Variants in KCNJ13 observed in about 807,000 individuals in gnomAD.
The protein encoded by KCNJ13 is inward rectifier potassium channel 13.
KCNJ13 carries 9 observed loss-of-function variants against 24.6 expected under a neutral mutation model. The observed-to-expected ratio is 0.37, with a 90% CI of 0.22 to 0.64. The LOEUF (loss-of-function observed/expected upper bound fraction) is 0.64. KCNJ13 is among the 30% of genes least tolerant of loss of function. KCNJ13 has a pLI of 0.64. For synonymous variants in KCNJ13, 148 were observed against 154.7 expected, an observed-to-expected ratio of 0.96 and a Z score of 0.32; for missense variants, 337 against 443.8, an observed-to-expected ratio of 0.76 and a Z score of 2.16.
rs551984252 is a variant in KCNJ13, at chr2:232,766,179, C to G, written c.*2012G>C. 1.3e-5 allele frequency among the ~76,000 whole-genome samples: 2 copies of G among 152,168 alleles called. No individual in the cohort carries two copies. Among genetic ancestry groups the G allele is most frequent in the Admixed American group, 6.5e-5 (1 of 15,280 alleles). ...CCTCCCAGAAACTTTCTATCTCCTG[C>G]AAAAAAGTTTTGGATCACGTTTCTT... is the stretch of plus-strand genomic sequence containing the variant. On this transcript the variant is annotated 3_prime_UTR_variant, in exon 3 of 3. Coordinates refer to ENST00000233826, the MANE Select transcript of KCNJ13 (RefSeq NM_002242.4).
chr2:232,771,103 A>G lies in KCNJ13; in HGVS notation c.260T>C (p.Leu87Pro). Residue 87 changes from leucine to proline, a missense_variant, in exon 2 of 3, where the codon CTA becomes CCA. Transcript: ENST00000233826. Reference sequence around the variant, plus strand: ...GTTTTCAGGTGGGGCATCATGATCTAGTTCCAGATCACCATTCATCTCAGC... The same window carrying G: ...GTTTTCAGGTGGGGCATCATGATCTGGTTCCAGATCACCATTCATCTCAGC... ...VLAEMNGDLELDHDAPPENHT... is the reference protein window; with the variant it reads ...VLAEMNGDLEPDHDAPPENHT... 1 of 1,614,062 alleles carries G rather than the reference A, an allele frequency of 6.2e-7. No homozygotes were observed. The highest frequency in any genetic ancestry group is 8.5e-7 in the Non-Finnish European group (1 of 1,179,942).
At chr2:232,772,320 T>C (rs1699300149) in intron 1 of KCNJ13, among the ~76,000 whole-genome samples, 1 of 152,188 alleles carries the variant, frequency 6.6e-6, no homozygotes, top group South Asian at 2.1e-4. Context: ...TTGCATATTC[T>C]AGGCTCTGAT....
chr2:232,772,564 G>T (rs1039328555), intron 1 of KCNJ13, among the ~76,000 whole-genome samples: 2 of 152,212 alleles, frequency 1.3e-5, no homozygotes, highest in Non-Finnish European at 1.5e-5. Flanking sequence ...TCTCAAGGTG[G>T]TGAGTAGAAA....
rs562100861 is a variant in KCNJ13 at position 232,775,682 on chromosome 2, C to A, written c.-17+763G>T. On this transcript the variant is annotated intron_variant, in intron 1 of 2. Coordinates refer to ENST00000233826, the MANE Select transcript of KCNJ13 (RefSeq NM_002242.4). ...GGCAGCTTCACTGATCATCAGAATT[C>A]ATTCTACTCATTGGGTTGTAGCACT... is the stretch of plus-strand genomic sequence containing the variant. Among the ~76,000 whole-genome samples the A allele has an allele frequency of 4.9e-4, 74 of 152,284 alleles. No homozygotes were observed. In the South Asian group the frequency reaches 6.8e-3, roughly 14 times the overall value.
intron 1 of KCNJ13, among the ~76,000 whole-genome samples, chr2:232,773,687 A>T (rs1031170488): frequency 6.6e-6 from 1 of 152,090 alleles, no homozygotes; most frequent in African/African-American, 2.4e-5. Flanking sequence ...TAGCTAATAT[A>T]TATATTGTTT....
At chr2:232,774,461 T>A (rs911195495) in intron 1 of KCNJ13, among the ~76,000 whole-genome samples, 1 of 152,144 alleles carries the variant, frequency 6.6e-6, no homozygotes, top group Non-Finnish European at 1.5e-5. Flanking sequence ...ATTAAAGCAA[T>A]GTAGAGAGGA....
At chr2:232,774,695 C>G (rs1209921830) in intron 1 of KCNJ13, among the ~76,000 whole-genome samples, 1 of 152,164 alleles carries the variant, frequency 6.6e-6, no homozygotes, top group East Asian at 1.9e-4. Context: ...TGAAAATGCC[C>G]CTCATGCTCC....
chr2:232,771,170 C>A lies in KCNJ13; in HGVS notation c.193G>T (p.Val65Phe), dbSNP rs753616368. The A allele has an allele frequency of 6.2e-7, 1 of 1,613,952 alleles. No homozygotes were observed. Among genetic ancestry groups the A allele is most frequent in the Non-Finnish European group, 8.5e-7 (1 of 1,179,906 alleles). The change falls in exon 2 of 3, where the codon GTT (valine) becomes TTT (phenylalanine). Residue 65 changes from valine to phenylalanine, a missense_variant. Val to Phe is a conservative substitution (Grantham distance 50, BLOSUM62 -1). Transcript: ENST00000233826. ...ACTGCAAAGACAAGCCAGTGGACAACAAAAGAAGCAGAAAAGACCAACATC... is the reference window on the plus strand; with the variant it reads ...ACTGCAAAGACAAGCCAGTGGACAAAAAAAGAAGCAGAAAAGACCAACATC... ...WMMLVFSASFVVHWLVFAVLW... is the reference protein window; with the variant it reads ...WMMLVFSASFFVHWLVFAVLW...
intron 1 of KCNJ13, among the ~76,000 whole-genome samples, chr2:232,772,074 A>C (rs994139228): frequency 2.0e-5 from 3 of 152,102 alleles, no homozygotes; most frequent in Admixed American, 6.6e-5. Flanking sequence ...AACCTCAGCA[A>C]ATTTTTAGAA....
At chr2:232,769,849 G>A (rs1318176178) in intron 2 of KCNJ13, among the ~76,000 whole-genome samples, 1 of 152,146 alleles carries the variant, frequency 6.6e-6, no homozygotes, top group East Asian at 1.9e-4. Flanking sequence ...TACTATATGT[G>A]CCTTACTGAT....
rs988533492 is a variant in KCNJ13 at position 232,768,028 on chromosome 2, A to T, written c.*163T>A. On this transcript the variant is annotated 3_prime_UTR_variant, in exon 3 of 3. Transcript: ENST00000233826. ...TAATGTAGAGTGTTATGTTTCCAGA[A>T]TGTGTATTGTTAGCTCAGCCATTCT... 15 of 665,798 alleles carry T rather than the reference A, an allele frequency of 2.3e-5. No individual in the cohort carries two copies. Among genetic ancestry groups the T allele is most frequent in the Non-Finnish European group, 3.9e-5 (15 of 389,280 alleles). 41.2% of individuals were successfully genotyped at this position (665,798 alleles called of 1,614,324 possible).
At chr2:232,769,400 A>G (rs1190183679) in intron 2 of KCNJ13, among the ~76,000 whole-genome samples, 4 of 151,576 alleles carry the variant, frequency 2.6e-5, no homozygotes, top group Non-Finnish European at 5.9e-5. Flanking sequence ...GTCTGGTGGC[A>G]CATGCCTGTA....
chr2:232,772,789 C>T (rs895852827), intron 1 of KCNJ13, among the ~76,000 whole-genome samples: 1 of 152,112 alleles, frequency 6.6e-6, no homozygotes, highest in African/African-American at 2.4e-5. Context: ...TGCTGCATAC[C>T]CACTTCCTGC....
intron 2 of KCNJ13, among the ~76,000 whole-genome samples, chr2:232,769,305 CGG>C (rs949949022): frequency 7.9e-5 from 12 of 151,862 alleles, no homozygotes; most frequent in African/African-American, 2.7e-4. Flanking sequence ...CCGAGGCGGG[CGG>C]GTCATTTGAG....
intron 2 of KCNJ13, 134 bp from the exon 3 acceptor site, chr2:232,768,947 C>CATTG (rs762211459): frequency 1.5e-5 from 11 of 724,562 alleles, no homozygotes; most frequent in Non-Finnish European, 2.4e-5. Flanking sequence ...GAATTGAACT[C>CATTG]ATTGTTAATT....
At chr2:232,771,878 C>G (rs1423307269) in intron 1 of KCNJ13, among the ~76,000 whole-genome samples, 1 of 152,132 alleles carries the variant, frequency 6.6e-6, no homozygotes, top group African/African-American at 2.4e-5. Context: ...GTCTGCAAAT[C>G]CTTTGAAGCC....
intron 2 of KCNJ13, 71 bp from the exon 3 acceptor site, chr2:232,768,884 G>A: frequency 1.5e-6 from 2 of 1,313,684 alleles, no homozygotes; most frequent in Admixed American, 2.2e-5. Flanking sequence ...TGAATGACAA[G>A]TGTATATCAA....
At chr2:232,774,616 A>T (rs1699434158) in intron 1 of KCNJ13, among the ~76,000 whole-genome samples, 1 of 152,198 alleles carries the variant, frequency 6.6e-6, no homozygotes. Context: ...ATGAAAGGAT[A>T]GTTGGTTGCC....
At position 232,776,448 on chromosome 2, in the gene KCNJ13, T is replaced by C. The variant is rs750674566; in HGVS notation, c.-20A>G. 1 of 1,603,356 alleles carries C rather than the reference T, an allele frequency of 6.2e-7. No homozygotes were observed. Among genetic ancestry groups the C allele is most frequent in the South Asian group, 1.1e-5 (1 of 89,614 alleles). On this transcript the variant is annotated 5_prime_UTR_variant, in exon 1 of 3. Coordinates refer to ENST00000233826, the MANE Select transcript of KCNJ13 (RefSeq NM_002242.4). ...GGATATTATTGCATGTACTCACCAGTTCTTTTGCTGGGTCAGCCTTTATGC... is the reference window on the plus strand; with the variant it reads ...GGATATTATTGCATGTACTCACCAGCTCTTTTGCTGGGTCAGCCTTTATGC...
Sources: gnomAD v4.1 joint callset for allele counts (sites outside exome capture counted in the v4.1 genomes callset) on GRCh38, gnomAD v4.1.1 for gene constraint, MANE v1.5 for transcripts, NCBI Gene and HGNC (gene_info 2026-07-23, HGNC 2026-07-21) for gene names.